ZNF804B: variants seen among roughly 807,000 people sequenced by gnomAD.
ZNF804B encodes the protein zinc finger protein 804B, also known as zinc finger 804B.
A neutral mutation model predicts 101.4 loss-of-function variants in ZNF804B; 80 were observed. The ratio of observed to expected loss-of-function variants is 0.79; its 90% confidence interval spans 0.66 to 0.95. The LOEUF is 0.95. Ranked by LOEUF, ZNF804B falls within the 40% of genes least tolerant of loss-of-function variation. The pLI is 0.00. For missense variants in ZNF804B, 1,673 were observed against 1,561.9 expected, an observed-to-expected ratio of 1.07 and a Z score of -1.20; for synonymous variants, 622 against 558.8, an observed-to-expected ratio of 1.11 and a Z score of -1.59.
At chr7:88,764,392 G>C (rs1321906872) in intron 1 of ZNF804B, among the ~76,000 whole-genome samples, 2 of 152,100 alleles carry the variant, frequency 1.3e-5, no homozygotes, top group Non-Finnish European at 2.9e-5. Flanking sequence ...TGGGTATAAA[G>C]GAAATTTTGG....
At chr7:88,867,284 A>T (rs1406505) in intron 1 of ZNF804B, among the ~76,000 whole-genome samples, 4,334 of 152,296 alleles carry the variant, frequency 0.028, 221 homozygotes, top group African/African-American at 0.098. Context: ...TGCAAGCTGG[A>T]GAACCAGGGA....
intron 1 of ZNF804B, among the ~76,000 whole-genome samples, chr7:89,136,874 C>T (rs1584008276): frequency 6.6e-6 from 1 of 151,828 alleles, no homozygotes; most frequent in East Asian, 1.9e-4. Flanking sequence ...TGGGGGAGGT[C>T]TTTCCTGTGC....
chr7:89,193,298 CTATCTT>C (rs945191213), intron 1 of ZNF804B, among the ~76,000 whole-genome samples: 3 of 139,106 alleles, frequency 2.2e-5, no homozygotes, highest in African/African-American at 7.8e-5. Context: ...AGTCTACTTT[CTATCTT>C]TATTTTTTTT....
chr7:88,923,805 A>G (rs1015435619), intron 1 of ZNF804B, among the ~76,000 whole-genome samples: 22 of 152,120 alleles, frequency 1.4e-4, no homozygotes, highest in African/African-American at 4.8e-4. Context: ...AGTGACTTTA[A>G]GTTTATTTTA....
chr7:88,893,582 C>A (rs1480371110), intron 1 of ZNF804B, among the ~76,000 whole-genome samples: 1 of 151,934 alleles, frequency 6.6e-6, no homozygotes, highest in African/African-American at 2.4e-5. Context: ...GCAAATAATA[C>A]TTATTAAAAT....
chr7:89,106,588 A>G (rs1465374776), intron 1 of ZNF804B, among the ~76,000 whole-genome samples: 1 of 152,114 alleles, frequency 6.6e-6, no homozygotes, highest in Non-Finnish European at 1.5e-5. Context: ...ATCTAATGAA[A>G]AGAAATACAA....
chr7:89,181,119 GAGTCT>G (rs1788289282), intron 1 of ZNF804B, among the ~76,000 whole-genome samples: 1 of 151,828 alleles, frequency 6.6e-6, no homozygotes, highest in East Asian at 2.0e-4. Context: ...TGGAAGGAAA[GAGTCT>G]CTTCCTAAAC....
chr7:89,083,289 A>G (rs889613072), intron 1 of ZNF804B, among the ~76,000 whole-genome samples: 2 of 151,828 alleles, frequency 1.3e-5, no homozygotes, highest in Admixed American at 6.6e-5. Context: ...TGGAATGACT[A>G]TGTGCAATTA....
At chr7:89,259,285 G>A (rs1789677923) in intron 2 of ZNF804B, among the ~76,000 whole-genome samples, 1 of 152,028 alleles carries the variant, frequency 6.6e-6, no homozygotes, top group Non-Finnish European at 1.5e-5. Flanking sequence ...TTGTAACCTT[G>A]CACCCCAACT....
chr7:89,290,670 G>A (rs757535495), intron 2 of ZNF804B, among the ~76,000 whole-genome samples: 31 of 152,172 alleles, frequency 2.0e-4, no homozygotes, highest in Non-Finnish European at 4.3e-4. Flanking sequence ...AAAGGGGGAA[G>A]GACTGTGTCT....
At chr7:89,114,105 GA>G (rs1220255576) in intron 1 of ZNF804B, among the ~76,000 whole-genome samples, 4 of 151,752 alleles carry the variant, frequency 2.6e-5, no homozygotes, top group East Asian at 1.9e-4. Flanking sequence ...AAAAAATAAA[GA>G]AAAAAATATA....
At chr7:89,012,285 T>C (rs1788477357) in intron 1 of ZNF804B, among the ~76,000 whole-genome samples, 1 of 152,098 alleles carries the variant, frequency 6.6e-6, no homozygotes, top group African/African-American at 2.4e-5. Context: ...TAGGAGGGGC[T>C]GCCGTGAAGA....
chr7:88,810,278 GAATTCCTGTTATTAGTAAAATAAAAATA>G (rs1395573287), intron 1 of ZNF804B, among the ~76,000 whole-genome samples: 2 of 151,322 alleles, frequency 1.3e-5, no homozygotes. Flanking sequence ...AACATGTTAT[GAATTCCTGTTATTAGTAAAATAAAAATA>G]AGAACTAAAA....
At chr7:88,860,503 T>A (rs1791629729) in intron 1 of ZNF804B, among the ~76,000 whole-genome samples, 1 of 152,122 alleles carries the variant, frequency 6.6e-6, no homozygotes, top group Non-Finnish European at 1.5e-5. Flanking sequence ...TTTTTAGTCT[T>A]CATATTCACA....
chr7:89,141,405 A>C (rs1015797776), intron 1 of ZNF804B, among the ~76,000 whole-genome samples: 1 of 151,970 alleles, frequency 6.6e-6, no homozygotes, highest in African/African-American at 2.4e-5. Context: ...AGCACAATAA[A>C]GTGTGGTATC....
chr7:89,070,109 G>A (rs1173138716), intron 1 of ZNF804B, among the ~76,000 whole-genome samples: 3 of 152,160 alleles, frequency 2.0e-5, no homozygotes, highest in African/African-American at 7.2e-5. Flanking sequence ...AAACAAATCA[G>A]TAGACAAGAT....
chr7:88,771,518 A>G (rs1267976446), intron 1 of ZNF804B, among the ~76,000 whole-genome samples: 1 of 152,164 alleles, frequency 6.6e-6, no homozygotes, highest in Non-Finnish European at 1.5e-5. Flanking sequence ...CTCAATTGAC[A>G]GCAAACTATT....
chr7:88,883,967 A>T (rs75837362), intron 1 of ZNF804B, among the ~76,000 whole-genome samples: 1 of 152,064 alleles, frequency 6.6e-6, no homozygotes, highest in Admixed American at 6.6e-5. Flanking sequence ...CAGAAATCAC[A>T]TTATAGATTA....
intron 1 of ZNF804B, among the ~76,000 whole-genome samples, chr7:88,892,200 A>C (rs375006726): frequency 4.9e-4 from 75 of 152,204 alleles, no homozygotes; most frequent in East Asian, 2.7e-3. Context: ...ATTTAGATCT[A>C]CATTTATTTT....
Sources: gnomAD v4.1 joint callset for allele counts (sites outside exome capture counted in the v4.1 genomes callset) on GRCh38, gnomAD v4.1.1 for gene constraint, MANE v1.5 for transcripts, NCBI Gene and HGNC (gene_info 2026-07-23, HGNC 2026-07-21) for gene names.